The following ERCC6L2 variants were observed in gnomAD, a reference collection of about 807,000 sequenced individuals.
The protein encoded by ERCC6L2 is DNA excision repair protein ERCC-6-like 2.
Under a neutral mutation model 132.0 loss-of-function variants are expected in ERCC6L2, and 77 were observed. The ratio of observed to expected loss-of-function variants is 0.58; its 90% CI spans 0.49 to 0.71. The LOEUF is 0.71. Among genes scored for constraint, ERCC6L2 ranks in the 30% least tolerant of loss-of-function variants. The probability of loss-of-function intolerance (pLI) is 0.00; values close to 1 mark genes in which losing one functional copy is unlikely to be tolerated. For missense variants in ERCC6L2, 1,542 were observed against 1,837.6 expected (o/e 0.84, Z 2.94); for synonymous variants, 583 against 632.4 (o/e 0.92, Z 1.17).
intron 16 of ERCC6L2, among the ~76,000 whole-genome samples, 194 bp downstream of exon 16, chr9:95,973,282 C>T (rs1046361515): frequency 6.6e-6 from 1 of 152,118 alleles, no homozygotes; most frequent in Non-Finnish European, 1.5e-5. Flanking sequence ...TTGCCATCTA[C>T]CCCAGGACCC....
chr9:95,900,242 G>C (rs1828700356), intron 3 of ERCC6L2, among the ~76,000 whole-genome samples: 1 of 152,014 alleles, frequency 6.6e-6, no homozygotes, highest in Non-Finnish European at 1.5e-5. Context: ...AAAACAATTA[G>C]CCAGGTGTGG....
chr9:96,040,718 C>T lies in ERCC6L2; in HGVS notation c.*1755+1591C>T, dbSNP rs73538559. On this transcript the variant is annotated intron_variant and NMD_transcript_variant, in intron 20 of 20. Transcript: ENST00000670016. ...CCTCATGGGGAGATGACAGGAGCAACGGCATCTGCAGAGACACTACTCCAT... is the reference window on the plus strand; with the variant it reads ...CCTCATGGGGAGATGACAGGAGCAATGGCATCTGCAGAGACACTACTCCAT... Among the ~76,000 whole-genome samples, 1,430 of 152,336 alleles carry T rather than the reference C, an allele frequency of 9.4e-3. 25 individuals carry two copies. Among genetic ancestry groups the T allele is most frequent in the African/African-American group, 0.032 (1,340 of 41,574 alleles).
intron 4 of ERCC6L2, among the ~76,000 whole-genome samples, chr9:95,910,414 T>C (rs1829289078): frequency 6.6e-6 from 1 of 152,222 alleles, no homozygotes; most frequent in Non-Finnish European, 1.5e-5. Flanking sequence ...GTTTGTTCCT[T>C]TTTATTGCCG....
intron 11 of ERCC6L2, among the ~76,000 whole-genome samples, chr9:95,935,867 C>G (rs578193071): frequency 6.6e-6 from 1 of 152,070 alleles, no homozygotes; most frequent in African/African-American, 2.4e-5. Flanking sequence ...TACTTACTAA[C>G]TTGTAAGGAT....
chr9:95,882,393 T>C (rs537410565), intron 2 of ERCC6L2, among the ~76,000 whole-genome samples: 75 of 152,324 alleles, frequency 4.9e-4, no homozygotes, highest in Non-Finnish European at 1.0e-3. Flanking sequence ...GGTCTTTAGC[T>C]TTCCTTAGAT....
intron 19 of ERCC6L2, among the ~76,000 whole-genome samples, chr9:96,030,369 C>G (rs1834440816): frequency 6.6e-6 from 1 of 152,118 alleles, no homozygotes; most frequent in African/African-American, 2.4e-5. Context: ...TTTCACTCTT[C>G]ACAATAAATC....
At chr9:95,965,828 A>G (rs909073823) in intron 13 of ERCC6L2, among the ~76,000 whole-genome samples, 12 of 151,996 alleles carry the variant, frequency 7.9e-5, no homozygotes, top group African/African-American at 2.7e-4. Flanking sequence ...ATCATTTTTT[A>G]CTGATTTCTC....
intron 1 of ERCC6L2, among the ~76,000 whole-genome samples, chr9:95,878,995 T>C (rs538529271): frequency 2.0e-5 from 3 of 152,030 alleles, no homozygotes; most frequent in Non-Finnish European, 4.4e-5. Context: ...AGCAGCATGA[T>C]TTATAGTCCT....
At chr9:95,935,261 A>G (rs1830505371) in intron 11 of ERCC6L2, among the ~76,000 whole-genome samples, 1 of 152,210 alleles carries the variant, frequency 6.6e-6, no homozygotes, top group Admixed American at 6.5e-5. Flanking sequence ...AGAAAAGGAA[A>G]AGCAGGTTTT....
intron 19 of ERCC6L2, among the ~76,000 whole-genome samples, chr9:96,030,674 C>T (rs1393742694): frequency 6.7e-6 from 1 of 148,828 alleles, no homozygotes; most frequent in Non-Finnish European, 1.5e-5. Flanking sequence ...TGCACTCCAG[C>T]CTGGGCGACA....
At position 96,001,763 on chromosome 9, in the gene ERCC6L2, G is replaced by T. The variant is rs577631574; in HGVS notation, c.3493-2757G>T. Among the ~76,000 whole-genome samples, 3 of 152,396 alleles carry T rather than the reference G, an allele frequency of 2.0e-5. No homozygotes were observed. The East Asian group carries it at 5.8e-4, about 29-fold the overall frequency. On this transcript the variant is annotated intron_variant, in intron 17 of 18. Transcript: ENST00000653738. ...GGTTGATGGGACTGGGCGCCGTGGA[G>T]CAGGGGGTGGCGCTCGTCGGGGAGG...
intron 19 of ERCC6L2, among the ~76,000 whole-genome samples, chr9:96,036,828 G>A (rs530546322): frequency 3.4e-4 from 50 of 146,984 alleles, no homozygotes; most frequent in Middle Eastern, 3.5e-3. Context: ...GTGCAGTGGC[G>A]GGATCTCGGC....
chr9:95,958,690 A>T (rs929713856), intron 13 of ERCC6L2, among the ~76,000 whole-genome samples: 1 of 152,164 alleles, frequency 6.6e-6, no homozygotes, highest in African/African-American at 2.4e-5. Flanking sequence ...CTCAGGATAC[A>T]AAATCAATGT....
intron 9 of ERCC6L2, among the ~76,000 whole-genome samples, chr9:95,925,705 A>G (rs1830069609): frequency 6.6e-6 from 1 of 152,218 alleles, no homozygotes; most frequent in African/African-American, 2.4e-5. Flanking sequence ...ACTTGAAAAC[A>G]CTTAAAGTTG....
At chr9:95,993,547 C>T (rs529823746) in intron 17 of ERCC6L2, among the ~76,000 whole-genome samples, 3 of 152,304 alleles carry the variant, frequency 2.0e-5, no homozygotes, top group South Asian at 2.1e-4. Context: ...GCTGCCACTT[C>T]GCATCATTTC....
At chr9:96,000,505 A>G (rs532239449) in intron 17 of ERCC6L2, among the ~76,000 whole-genome samples, 4 of 152,236 alleles carry the variant, frequency 2.6e-5, no homozygotes, top group Admixed American at 6.5e-5. Context: ...ATTTGTATAT[A>G]TAAATATCTT....
At chr9:95,893,256 A>C (rs755253593) in intron 2 of ERCC6L2, among the ~76,000 whole-genome samples, 5 of 152,184 alleles carry the variant, frequency 3.3e-5, no homozygotes, top group Non-Finnish European at 4.4e-5. Flanking sequence ...CTAATACCTA[A>C]ATTTCAAAGG....
At chr9:95,950,790 A>G (rs188904053) in intron 12 of ERCC6L2, among the ~76,000 whole-genome samples, 63 of 152,340 alleles carry the variant, frequency 4.1e-4, no homozygotes, top group African/African-American at 1.5e-3. Context: ...TAACAATTAT[A>G]TACATAAATT....
In ERCC6L2 at chr9:95,928,132, C is replaced by G. The variant is rs200839216; in HGVS notation, c.1587C>G (p.Leu529=). ...GGAAAAACAGAGATAAAGTTCTTCT[C>G]TTTTCTTTTTCCACCAAGGTGAGTT... ...HCRKNRDKVL[L]FSFSTKLLDV... is the part of the protein sequence containing the mutation. The change falls in exon 10 of 19, where the codon CTC becomes CTG. Residue 529 remains leucine, a synonymous_variant. Coordinates refer to ENST00000653738, the MANE Select transcript of ERCC6L2 (RefSeq NM_020207.7). 4 of 1,612,346 alleles carry G rather than the reference C, an allele frequency of 2.5e-6. No individual in the cohort carries two copies. Among genetic ancestry groups the G allele is most frequent in the Non-Finnish European group, 3.4e-6 (4 of 1,178,872 alleles).
Sources: gnomAD v4.1 joint callset for allele counts (sites outside exome capture counted in the v4.1 genomes callset) on GRCh38, gnomAD v4.1.1 for gene constraint, MANE v1.5 for transcripts, NCBI Gene and HGNC (gene_info 2026-07-23, HGNC 2026-07-21) for gene names.